ARHGAP8: variants seen among roughly 807,000 people sequenced by gnomAD.
ARHGAP8 encodes rho GTPase-activating protein 8.
A neutral mutation model predicts 46.1 loss-of-function variants in ARHGAP8; 62 were observed. The observed-to-expected ratio is 1.34, with a 90% CI of 1.10 to 1.66. The LOEUF (loss-of-function observed/expected upper bound fraction) is 1.66. ARHGAP8 is among the 40% of genes most tolerant of loss of function. The pLI is 0.00. For synonymous variants in ARHGAP8, 375 were observed against 243.1 expected, an observed-to-expected ratio of 1.54 and a Z score of -5.05; for missense variants, 923 against 568.4, an observed-to-expected ratio of 1.62 and a Z score of -6.34.
At chr22:44,781,794 G>A (rs1481344997) in intron 1 of ARHGAP8, among the ~76,000 whole-genome samples, 2 of 151,854 alleles carry the variant, frequency 1.3e-5, no homozygotes, top group Admixed American at 6.6e-5. Flanking sequence ...CGAAGTGCTG[G>A]GATTGCAGGC....
intron 1 of ARHGAP8, chr22:44,786,205 G>A: frequency 1.7e-6 from 1 of 587,978 alleles, no homozygotes; most frequent in Non-Finnish European, 3.0e-6. Flanking sequence ...CGTATAGTGG[G>A]TGCTCGACTG....
chr22:44,771,437 T>G (rs142579567), intron 1 of ARHGAP8, among the ~76,000 whole-genome samples: 27,348 of 151,108 alleles, frequency 0.18, 2,626 homozygotes, highest in Middle Eastern at 0.22. Flanking sequence ...AGTAGAGATG[T>G]GGTTTCACCA....
At chr22:44,809,495 C>A in intron 4 of ARHGAP8, 1 of 304,650 alleles carries the variant, frequency 3.3e-6, no homozygotes, top group Non-Finnish European at 6.4e-6. Context: ...TCTGATGCCT[C>A]TTGTTGGTGA....
intron 1 of ARHGAP8, among the ~76,000 whole-genome samples, chr22:44,756,581 GC>G (rs973043152): frequency 8.1e-4 from 38 of 47,042 alleles, no homozygotes; most frequent in Admixed American, 3.8e-3. Flanking sequence ...CCCACACCCC[GC>G]CCCCCCACCC....
At chr22:44,819,409 C>T (rs190351998) in intron 5 of ARHGAP8, among the ~76,000 whole-genome samples, 1 of 152,204 alleles carries the variant, frequency 6.6e-6, no homozygotes, top group African/African-American at 2.4e-5. Context: ...TGGTGGCTCA[C>T]CCCTGTAATC....
chr22:44,754,729 G>C (rs947538994), intron 1 of ARHGAP8, among the ~76,000 whole-genome samples: 1 of 152,128 alleles, frequency 6.6e-6, no homozygotes, highest in African/African-American at 2.4e-5. Flanking sequence ...TAACAAGCCA[G>C]TTCTAGGCTG....
In ARHGAP8 at chr22:44,755,585, G is replaced by A. The variant is rs187318328; in HGVS notation, c.-72+2958G>A. Among the ~76,000 whole-genome samples, 384 of 152,286 alleles carry A rather than the reference G, an allele frequency of 2.5e-3. 3 individuals are homozygous for A. Among genetic ancestry groups the A allele is most frequent in the African/African-American group, 8.4e-3 (349 of 41,560 alleles). Reference sequence around the variant, plus strand: ...TAGCTGCAGGAGAGCGCGCTGCTCCGGAGTCCTGCCCCAGCTGCCTTCACA... The same window carrying A: ...TAGCTGCAGGAGAGCGCGCTGCTCCAGAGTCCTGCCCCAGCTGCCTTCACA... On this transcript the variant is annotated intron_variant, in intron 1 of 11. Coordinates refer to ENST00000356099, the MANE Select transcript of ARHGAP8 (RefSeq NM_181335.3).
chr22:44,847,881 G>A, intron 8 of ARHGAP8, 92 bp from the exon 9 acceptor site: 7 of 1,508,966 alleles, frequency 4.6e-6, no homozygotes, highest in Non-Finnish European at 6.3e-6. Context: ...AGCCACAGGT[G>A]GGTGATGCCG....
At chr22:44,768,656 G>A (rs117575065) in intron 1 of ARHGAP8, among the ~76,000 whole-genome samples, 14 of 151,998 alleles carry the variant, frequency 9.2e-5, no homozygotes, top group South Asian at 2.1e-4. Flanking sequence ...CCTGTAAACC[G>A]AACATTAGCA....
At chr22:44,849,254 C>T (rs2070037253) in intron 10 of ARHGAP8, 194 bp downstream of exon 10, 1 of 1,081,282 alleles carries the variant, frequency 9.2e-7, no homozygotes. Context: ...TCCACACTGT[C>T]CAAAGGCAGA....
intron 7 of ARHGAP8, among the ~76,000 whole-genome samples, chr22:44,840,586 A>G (rs539436913): frequency 1.4e-4 from 22 of 152,318 alleles, no homozygotes; most frequent in South Asian, 4.1e-4. Flanking sequence ...TGGAGGCTCT[A>G]TGAGTCTAAG....
intron 1 of ARHGAP8, among the ~76,000 whole-genome samples, chr22:44,775,913 C>T (rs1336426964): frequency 6.6e-6 from 1 of 152,214 alleles, no homozygotes; most frequent in African/African-American, 2.4e-5. Context: ...GATTGGCCCA[C>T]ATTTCCAAAT....
chr22:44,791,699 C>T (rs1927700860), intron 2 of ARHGAP8, among the ~76,000 whole-genome samples: 2 of 152,028 alleles, frequency 1.3e-5, no homozygotes, highest in Non-Finnish European at 2.9e-5. Flanking sequence ...AGCAAAACTC[C>T]ATCTCAAAAA....
intron 5 of ARHGAP8, among the ~76,000 whole-genome samples, chr22:44,820,542 G>A (rs770826512): frequency 6.6e-6 from 1 of 152,270 alleles, no homozygotes; most frequent in East Asian, 1.9e-4. Flanking sequence ...ATGGGCAGGC[G>A]GTGAGGACAC....
chr22:44,780,287 G>T (rs1227112898), intron 1 of ARHGAP8, among the ~76,000 whole-genome samples: 1 of 152,158 alleles, frequency 6.6e-6, no homozygotes, highest in Non-Finnish European at 1.5e-5. Context: ...AGCCCAGGAG[G>T]CCAAGGCTGC....
At position 44,849,997 on chromosome 22, in the gene ARHGAP8, G is replaced by T. The variant is rs927152793; in HGVS notation, c.877+937G>T. On this transcript the variant is annotated intron_variant, in intron 10 of 11. Transcript: ENST00000356099. ...TGGTTATGGTGTGACTCAAGATAGG[G>T]GTGTAGGGGTGGCCATTCCAGAAAG... The T allele has an allele frequency of 1.2e-4, 19 of 152,270 alleles. 1 individual carries two copies. Among genetic ancestry groups the T allele is most frequent in the African/African-American group, 4.6e-4 (19 of 41,526 alleles). 9.4% of individuals were successfully genotyped at this position (152,270 alleles called of 1,614,324 possible). A position where few individuals can be genotyped will look rare whatever the true frequency, so the allele number is the denominator to read the frequency against.
intron 7 of ARHGAP8, among the ~76,000 whole-genome samples, chr22:44,833,246 A>T (rs921969639): frequency 6.6e-6 from 1 of 151,890 alleles, no homozygotes; most frequent in African/African-American, 2.4e-5. Context: ...ATAGGTATAT[A>T]CTACCATGCC....
At chr22:44,826,230 C>T (rs117071335) in intron 7 of ARHGAP8, among the ~76,000 whole-genome samples, 6 of 152,192 alleles carry the variant, frequency 3.9e-5, no homozygotes, top group East Asian at 1.9e-4. Flanking sequence ...CCCTGATCCC[C>T]GCATCACCAT....
intron 11 of ARHGAP8, among the ~76,000 whole-genome samples, chr22:44,860,546 T>G (rs1410060133): frequency 8.5e-5 from 3 of 35,224 alleles, no homozygotes; most frequent in Non-Finnish European, 8.6e-5. Context: ...CATCTTGAGA[T>G]CCTCAACGAC....
Sources: gnomAD v4.1 joint callset for allele counts (sites outside exome capture counted in the v4.1 genomes callset) on GRCh38, gnomAD v4.1.1 for gene constraint, MANE v1.5 for transcripts, NCBI Gene and HGNC (gene_info 2026-07-23, HGNC 2026-07-21) for gene names.